The following FAAP20 variants were observed in gnomAD, a reference collection of about 807,000 sequenced individuals.
The protein encoded by FAAP20 is Fanconi anemia core complex-associated protein 20.
FAAP20 carries 12 observed loss-of-function variants against 16.2 expected under a neutral mutation model. That is an observed-to-expected ratio of 0.74 (90% CI 0.48 to 1.20). The LOEUF (loss-of-function observed/expected upper bound fraction) is 1.20. Among genes scored for constraint, FAAP20 ranks in the 50% most tolerant of loss-of-function variants. The probability of loss-of-function intolerance (pLI) is 0.00; values close to 1 mark genes in which losing one functional copy is unlikely to be tolerated. For synonymous variants in FAAP20, 141 were observed against 110.7 expected (o/e 1.27, Z -1.72); for missense variants, 288 against 245.8 (o/e 1.17, Z -1.15).
chr1:2,189,864 T>C, intron 3 of FAAP20, 83 bp from the exon 4 acceptor site: 1 of 1,080,264 alleles, frequency 9.3e-7, no homozygotes, highest in Non-Finnish European at 1.4e-6. Flanking sequence ...CCGGGCCCTC[T>C]CTGCTCCTGC....
chr1:2,194,789 C>T (rs1688721992), upstream of FAAP20: 4 of 1,117,262 alleles, frequency 3.6e-6, no homozygotes, highest in South Asian at 1.3e-4. Context: ...AAGCCCCGCC[C>T]CCGCCCCTCC....
At position 2,194,672 on chromosome 1, in the gene FAAP20, C is replaced by G. The variant is rs1341907074; in HGVS notation, c.62+16G>C. ...CGGGAAAACCGGCCGCGCCCCCGCC[C>G]GGCTCCCGGCCTCACCCGCCCGCCG... is the stretch of plus-strand genomic sequence containing the variant. On this transcript the variant is annotated intron_variant, in intron 1 of 3. Coordinates refer to ENST00000378546, the MANE Select transcript of FAAP20 (RefSeq NM_182533.4). The G allele has an allele frequency of 5.1e-5, 58 of 1,136,774 alleles. No individual in the cohort carries two copies. In the South Asian group the frequency reaches 2.1e-3, roughly 42 times the overall value. 70.4% of individuals were successfully genotyped at this position (1,136,774 alleles called of 1,614,324 possible). A position where few individuals can be genotyped will look rare whatever the true frequency, so the allele number is the denominator to read the frequency against.
chr1:2,212,632 C>T (rs1638237406), upstream of FAAP20: 1 of 189,882 alleles, frequency 5.3e-6, no homozygotes. Flanking sequence ...CCATGGAGAC[C>T]GGAAGGCTCA....
downstream of FAAP20, among the ~76,000 whole-genome samples, chr1:2,210,522 C>T (rs1350496360): frequency 6.6e-6 from 1 of 152,174 alleles, no homozygotes; most frequent in Non-Finnish European, 1.5e-5. Flanking sequence ...ACAGGCTCTG[C>T]TTCGGCAATG....
At chr1:2,204,471 G>A (rs1328585236), upstream of FAAP20, among the ~76,000 whole-genome samples, 1 of 152,234 alleles carries the variant, frequency 6.6e-6, no homozygotes, top group Non-Finnish European at 1.5e-5. Flanking sequence ...GGAGGACCAG[G>A]AAAAAGCCGC....
chr1:2,196,852 AAGAC>A (rs1033832805), upstream of FAAP20, among the ~76,000 whole-genome samples: 3 of 152,126 alleles, frequency 2.0e-5, no homozygotes, highest in Admixed American at 1.3e-4. This position sits in a 1 kb window ranked among gnomAD's most constrained non-coding sequence, Gnocchi z 4.5. Context: ...AAAACAAAAA[AAGAC>A]AGAGGAGAAA....
At chr1:2,188,394 A>G (rs2460002), downstream of FAAP20, among the ~76,000 whole-genome samples, 117,007 of 152,136 alleles carry the variant, frequency 0.77, 46,076 homozygotes, top group East Asian at 0.95. Context: ...GAGCCCCCGG[A>G]GAGTCTCAGC....
chr1:2,185,362 G>A (rs375608857), downstream of FAAP20: 127 of 718,662 alleles, frequency 1.8e-4, 2 homozygotes, highest in East Asian at 2.7e-3. Context: ...AGCGTGTAGC[G>A]TCCTGAGGAA....
rs1270946041 is a variant in FAAP20 at position 2,189,691 on chromosome 1, AG to A, written c.*17del. 31 of 1,604,716 alleles carry A rather than the reference AG, an allele frequency of 1.9e-5. No individual in the cohort carries two copies. Among genetic ancestry groups the A allele is most frequent in the Non-Finnish European group, 2.6e-5 (31 of 1,174,352 alleles). On this transcript the variant is annotated 3_prime_UTR_variant, in exon 4 of 4. Transcript: ENST00000378546. ...CGTGTCCGGGCGCCGCACTCTGCGC[AG>A]GGCTCTTGGATGGCGCTCACCACGT...
At chr1:2,211,232 T>C (rs1245360194), downstream of FAAP20, among the ~76,000 whole-genome samples, 20 of 139,498 alleles carry the variant, frequency 1.4e-4, no homozygotes, top group Non-Finnish European at 1.9e-4. Flanking sequence ...CTTTCTTTTT[T>C]TTTTTTTTTT....
chr1:2,201,289 C>G, upstream of FAAP20: 2 of 1,126,902 alleles, frequency 1.8e-6, no homozygotes, highest in Non-Finnish European at 2.2e-6. Flanking sequence ...GGGTCAGGGA[C>G]ACGCACGGTG....
chr1:2,198,441 T>A, upstream of FAAP20: 1 of 378,714 alleles, frequency 2.6e-6, no homozygotes, highest in South Asian at 2.2e-5. Flanking sequence ...TGGCCGTAGG[T>A]CAGGGAGCCA....
chr1:2,211,892 AGCT>A (rs1461637366), downstream of FAAP20, among the ~76,000 whole-genome samples: 3 of 136,314 alleles, frequency 2.2e-5, no homozygotes, highest in Admixed American at 1.5e-4. Flanking sequence ...GCCGAGAGCA[AGCT>A]GCTGCTTTTT....
At chr1:2,184,802 C>A, downstream of FAAP20, 1 of 1,377,862 alleles carries the variant, frequency 7.3e-7, no homozygotes, top group Non-Finnish European at 1.0e-6. Flanking sequence ...GAGTCCCACC[C>A]GCCTGGTGTC....
chr1:2,194,768 G>T lies in FAAP20; in HGVS notation c.-19C>A. 1 of 1,175,796 alleles carries T rather than the reference G, an allele frequency of 8.5e-7. No individual in the cohort carries two copies. Among genetic ancestry groups the T allele is most frequent in the Non-Finnish European group, 1.0e-6 (1 of 952,510 alleles). 72.8% of individuals were successfully genotyped at this position (1,175,796 alleles called of 1,614,324 possible). On this transcript the variant is annotated 5_prime_UTR_variant, in exon 1 of 4. Coordinates refer to ENST00000378546, the MANE Select transcript of FAAP20 (RefSeq NM_182533.4). Reference sequence around the variant, plus strand: ...CCTCCATCCAAGCCCGCGCCGGGCGGAAGTGAGCGCAAGCCCCGCCCCCGC... The same window carrying T: ...CCTCCATCCAAGCCCGCGCCGGGCGTAAGTGAGCGCAAGCCCCGCCCCCGC...
At chr1:2,187,027 C>T (rs116710939), downstream of FAAP20, 2,330 of 348,870 alleles carry the variant, frequency 6.7e-3, 48 homozygotes, top group African/African-American at 0.047. Flanking sequence ...GCTCCGGTCA[C>T]GACGGTGTCT....
upstream of FAAP20, chr1:2,203,369 G>C: frequency 1.0e-6 from 1 of 971,676 alleles, no homozygotes; most frequent in Non-Finnish European, 1.2e-6. Flanking sequence ...TCCGCAGTCA[G>C]GGCCCACCCA....
At chr1:2,198,219 G>A, upstream of FAAP20, 1 of 1,222,794 alleles carries the variant, frequency 8.2e-7, no homozygotes, top group South Asian at 1.3e-5. Context: ...CAAAATTCAT[G>A]TTTACAAAAG....
At chr1:2,207,959 T>TGC (rs769649503), downstream of FAAP20, among the ~76,000 whole-genome samples, 1 of 149,618 alleles carries the variant, frequency 6.7e-6, no homozygotes, top group Non-Finnish European at 1.5e-5. Context: ...TGTGTGTCCG[T>TGC]GCGCGCGCGC....
Sources: allele counts gnomAD v4.1 joint callset (sites outside exome capture counted in the v4.1 genomes callset), GRCh38; gene constraint gnomAD v4.1.1; non-coding constraint Gnocchi (gnomAD v3.1); transcripts MANE v1.5; gene names NCBI Gene and HGNC (gene_info 2026-07-23, HGNC 2026-07-21).